RFC3: variants seen among roughly 807,000 people sequenced by gnomAD.
RFC3 encodes A1 38 kDa subunit.
RFC3 carries 41 observed loss-of-function variants against 45.1 expected under a neutral mutation model. That is an observed-to-expected ratio of 0.91 (90% CI 0.71 to 1.18). The LOEUF (loss-of-function observed/expected upper bound fraction) is 1.18, where lower values mean the gene tolerates loss of function less well. RFC3 is among the 50% of genes most tolerant of loss of function. The pLI, the probability that RFC3 is intolerant of heterozygous loss-of-function variation, is 0.00. For missense variants in RFC3, 423 were observed against 428.1 expected, an observed-to-expected ratio of 0.99 and a Z score of 0.10; for synonymous variants, 149 against 144.0, an observed-to-expected ratio of 1.03 and a Z score of -0.25.
At chr13:33,964,865 C>T (rs1433316636) in intron 8 of RFC3, among the ~76,000 whole-genome samples, 1 of 152,174 alleles carries the variant, frequency 6.6e-6, no homozygotes, top group East Asian at 1.9e-4. Context: ...TACAGGTGGT[C>T]TCTATGTCCA....
chr13:33,831,288 A>C lies in RFC3; in HGVS notation c.743A>C (p.Glu248Ala). 6.2e-7 allele frequency: 1 copy of C among 1,610,066 alleles called. No individual in the cohort carries two copies. Among genetic ancestry groups the C allele is most frequent in the Non-Finnish European group, 8.5e-7 (1 of 1,176,304 alleles). ...YPFTADQEIP[E>A]TDWEVYLRET... is the part of the protein sequence containing the mutation. ...TTTACTGCAGATCAAGAAATCCCTG[A>C]GACAGATTGGGAGGTGTATCTGAGG... Residue 248 changes from glutamate (E) to alanine (A), a missense_variant, in exon 7 of 9, where the codon GAG (glutamate) becomes GCG (alanine). Coordinates refer to ENST00000380071, the MANE Select transcript of RFC3 (RefSeq NM_002915.4).
At chr13:33,916,680 G>A (rs1280070304) in intron 8 of RFC3, among the ~76,000 whole-genome samples, 1 of 152,132 alleles carries the variant, frequency 6.6e-6, no homozygotes, top group African/African-American at 2.4e-5. Flanking sequence ...ATGTAGGCAT[G>A]TGTGTATATA....
chr13:33,958,582 G>A (rs983119375), intron 8 of RFC3, among the ~76,000 whole-genome samples: 7 of 152,180 alleles, frequency 4.6e-5, no homozygotes, highest in Admixed American at 2.6e-4. Flanking sequence ...GCATAGAGAC[G>A]GAAAACAGAA....
chr13:33,922,064 T>C (rs574035877), intron 8 of RFC3, among the ~76,000 whole-genome samples: 1 of 151,806 alleles, frequency 6.6e-6, no homozygotes, highest in Non-Finnish European at 1.5e-5. Flanking sequence ...AAAATGACAC[T>C]TATTACCTGT....
intron 8 of RFC3, among the ~76,000 whole-genome samples, chr13:33,943,021 AT>A: frequency 6.6e-6 from 1 of 152,208 alleles, no homozygotes; most frequent in East Asian, 1.9e-4. Flanking sequence ...GAATTTCATA[AT>A]TTTGATTGTC....
At chr13:33,931,377 T>A (rs2082850914) in intron 8 of RFC3, among the ~76,000 whole-genome samples, 1 of 152,072 alleles carries the variant, frequency 6.6e-6, no homozygotes, top group South Asian at 2.1e-4. Flanking sequence ...AGTTTTTGTT[T>A]CTGTATAGGT....
At chr13:33,834,485 G>C (rs1271732504) in intron 7 of RFC3, among the ~76,000 whole-genome samples, 1 of 150,418 alleles carries the variant, frequency 6.6e-6, no homozygotes, top group Non-Finnish European at 1.5e-5. Flanking sequence ...TAGAATGAAG[G>C]ACTCAGAGGT....
chr13:33,840,441 A>T (rs916709548), downstream of RFC3, among the ~76,000 whole-genome samples: 1 of 151,602 alleles, frequency 6.6e-6, no homozygotes, highest in African/African-American at 2.4e-5. Flanking sequence ...TATATCTGTC[A>T]TTTCTGGATC....
chr13:33,908,013 A>G (rs563470442), intron 8 of RFC3, among the ~76,000 whole-genome samples: 1 of 152,104 alleles, frequency 6.6e-6, no homozygotes, highest in South Asian at 2.1e-4. Context: ...AAAGTCTTCA[A>G]TGTGTTCGTA....
At chr13:33,927,334 G>A (rs1230533362) in intron 8 of RFC3, among the ~76,000 whole-genome samples, 3 of 152,134 alleles carry the variant, frequency 2.0e-5, no homozygotes, top group Non-Finnish European at 4.4e-5. Flanking sequence ...TTTATTGGGG[G>A]AAAGAGGGGG....
intron 8 of RFC3, among the ~76,000 whole-genome samples, chr13:33,952,191 C>T (rs372192649): frequency 5.3e-5 from 8 of 152,190 alleles, no homozygotes; most frequent in Non-Finnish European, 7.3e-5. Context: ...GACTTGAACA[C>T]GTAAGTGCAC....
At chr13:33,888,011 A>C (rs2082537737) in intron 8 of RFC3, among the ~76,000 whole-genome samples, 1 of 152,188 alleles carries the variant, frequency 6.6e-6, no homozygotes. Flanking sequence ...TACCAGTACC[A>C]TGCTGTTTTG....
chr13:33,861,966 A>G lies in RFC3; in HGVS notation c.879+26749A>G, dbSNP rs185432915. ...AAACATTAAATTTTACTTCAGGTGTAGAAAGTTGCCTGTGAAAATATGCTT... is the reference window on the plus strand; with the variant it reads ...AAACATTAAATTTTACTTCAGGTGTGGAAAGTTGCCTGTGAAAATATGCTT... On this transcript the variant is annotated intron_variant, in intron 8 of 8. Coordinates refer to the RFC3 transcript ENST00000434425. Among the ~76,000 whole-genome samples the G allele has an allele frequency of 1.7e-4, 26 of 152,366 alleles. No homozygotes were observed. The East Asian group carries it at 1.9e-3, about 11-fold the overall frequency.
At chr13:33,958,291 G>T (rs1437266050) in intron 8 of RFC3, among the ~76,000 whole-genome samples, 1 of 152,226 alleles carries the variant, frequency 6.6e-6, no homozygotes, top group Non-Finnish European at 1.5e-5. Flanking sequence ...AGGCCGTTTG[G>T]AGTGTAATGG....
intron 8 of RFC3, among the ~76,000 whole-genome samples, chr13:33,915,695 A>G (rs2137715231): frequency 6.6e-6 from 1 of 152,126 alleles, no homozygotes; most frequent in East Asian, 1.9e-4. Flanking sequence ...TATAAATATT[A>G]TGTGGTTGTT....
intron 8 of RFC3, among the ~76,000 whole-genome samples, chr13:33,961,633 G>A (rs9598394): frequency 0.015 from 2,295 of 152,266 alleles, 66 homozygotes; most frequent in African/African-American, 0.053. Context: ...GAAGATACCA[G>A]ACATCAAAGC....
Position 33,905,467 on chromosome 13 carries a change from A to G in RFC3, c.880-60620A>G, listed in dbSNP as rs78559111. 1.2e-3 allele frequency among the ~76,000 whole-genome samples: 181 copies of G among 152,042 alleles called. 5 individuals are homozygous for G. In the East Asian group the frequency reaches 0.029, roughly 25 times the overall value. On this transcript the variant is annotated intron_variant, in intron 8 of 8. Coordinates refer to the RFC3 transcript ENST00000434425. ...ATGAGTGTCATAAGGCAAAAAATCT[A>G]AGCCTGAAAGACCTCTTTTGTTAAG... is the stretch of plus-strand genomic sequence containing the variant.
chr13:33,840,696 T>C (rs530051964), downstream of RFC3, among the ~76,000 whole-genome samples: 1 of 99,240 alleles, frequency 1.0e-5, no homozygotes, highest in South Asian at 3.9e-4. Context: ...TACGTAGTTT[T>C]TTTTTCAATA....
At chr13:33,858,415 T>C (rs2082320497) in intron 8 of RFC3, among the ~76,000 whole-genome samples, 1 of 151,256 alleles carries the variant, frequency 6.6e-6, no homozygotes, top group African/African-American at 2.4e-5. Context: ...TGTGTTTTCC[T>C]CAGGTAAAAG....
Sources: gnomAD v4.1 joint callset for allele counts (sites outside exome capture counted in the v4.1 genomes callset) on GRCh38, gnomAD v4.1.1 for gene constraint, MANE v1.5 for transcripts, NCBI Gene and HGNC (gene_info 2026-07-23, HGNC 2026-07-21) for gene names.